The following RGS21 variants were observed in gnomAD, a reference collection of about 807,000 sequenced individuals.
RGS21 encodes the protein regulator of G-protein signalling 21.
Under a neutral mutation model 18.7 loss-of-function variants are expected in RGS21, and 19 were observed. The ratio of observed to expected loss-of-function variants is 1.01; its 90% CI spans 0.71 to 1.49. The LOEUF (loss-of-function observed/expected upper bound fraction) is 1.49, where lower values mean the gene tolerates loss of function less well. Among genes scored for constraint, RGS21 ranks in the 40% most tolerant of loss-of-function variants. The pLI is 0.00. For synonymous variants in RGS21, 56 were observed against 57.8 expected (o/e 0.97, Z 0.14); for missense variants, 194 against 176.8 (o/e 1.10, Z -0.55).
chr1:192,344,076 A>C (rs1050515462), intron 2 of RGS21, among the ~76,000 whole-genome samples: 8 of 152,048 alleles, frequency 5.3e-5, no homozygotes, highest in Non-Finnish European at 1.2e-4. Context: ...TTTTTATTTG[A>C]TAGTGTACAA....
At position 192,343,040 on chromosome 1, in the gene RGS21, C is replaced by T. The variant is rs922100646; in HGVS notation, c.4C>T (p.Pro2Ser). 5 of 1,612,336 alleles carry T rather than the reference C, an allele frequency of 3.1e-6. No homozygotes were observed. The East Asian group carries it at 1.1e-4, about 36-fold the overall frequency. The change falls in exon 2 of 5, where the codon CCA becomes TCA. Residue 2 changes from proline to serine, a missense_variant. Physicochemically the swap from Pro to Ser is moderately conservative, Grantham distance 74. Coordinates refer to ENST00000417209, the MANE Select transcript of RGS21 (RefSeq NM_001039152.3). M[P>S]VKCCFYRSPT... ...GTGACAGACAGTGGAACGAAAAATG[C>T]CAGTGAAGTGAGTTGCCGTTTCCAG...
At chr1:192,350,889 T>C (rs1659031488) in intron 3 of RGS21, among the ~76,000 whole-genome samples, 1 of 152,134 alleles carries the variant, frequency 6.6e-6, no homozygotes, top group Non-Finnish European at 1.5e-5. Flanking sequence ...TCTAAACAAG[T>C]GGTCACAATA....
intron 2 of RGS21, among the ~76,000 whole-genome samples, chr1:192,344,099 C>A (rs558127376): frequency 6.6e-6 from 1 of 152,070 alleles, no homozygotes; most frequent in East Asian, 1.9e-4. Flanking sequence ...TTTAAGAATT[C>A]ATGAATAATA....
chr1:192,320,220 A>G (rs1196586865), intron 1 of RGS21, among the ~76,000 whole-genome samples: 1 of 152,070 alleles, frequency 6.6e-6, no homozygotes, highest in Non-Finnish European at 1.5e-5. Flanking sequence ...TAATCTGTTC[A>G]ACAAACCCCC....
chr1:192,329,550 T>C (rs1047367963), intron 1 of RGS21, among the ~76,000 whole-genome samples: 1 of 152,126 alleles, frequency 6.6e-6, no homozygotes, highest in African/African-American at 2.4e-5. Flanking sequence ...TAAAAACATA[T>C]AACGACCTAT....
chr1:192,355,995 C>T (rs779787166), intron 4 of RGS21, among the ~76,000 whole-genome samples: 106 of 151,586 alleles, frequency 7.0e-4, no homozygotes, highest in Middle Eastern at 3.4e-3. Flanking sequence ...TTCACACTGT[C>T]AACAATCCAG....
At position 192,366,274 on chromosome 1, in the gene RGS21, T is replaced by A; in HGVS notation, c.*150T>A. 1 of 599,932 alleles carries A rather than the reference T, an allele frequency of 1.7e-6. No homozygotes were observed. Among genetic ancestry groups the A allele is most frequent in the Non-Finnish European group, 2.9e-6 (1 of 343,372 alleles). 37.2% of individuals were successfully genotyped at this position (599,932 alleles called of 1,614,324 possible). ...TAACGTTTTATACAACAAGCCTGAA[T>A]TTCTAACTCAGTTGTTTAGAATGTA... On this transcript the variant is annotated 3_prime_UTR_variant, in exon 5 of 5. Transcript: ENST00000417209.
chr1:192,330,478 C>T (rs1461743492), intron 1 of RGS21, among the ~76,000 whole-genome samples: 1 of 152,076 alleles, frequency 6.6e-6, no homozygotes, highest in East Asian at 1.9e-4. Flanking sequence ...AGGTTGAAGC[C>T]AGATTTTGGC....
At chr1:192,336,709 A>G (rs1264985092) in intron 1 of RGS21, among the ~76,000 whole-genome samples, 3 of 152,134 alleles carry the variant, frequency 2.0e-5, no homozygotes, top group African/African-American at 7.2e-5. Context: ...TGCAAGAAAG[A>G]GTGGATAGTT....
chr1:192,357,755 A>G (rs1200248016), intron 4 of RGS21, among the ~76,000 whole-genome samples: 1 of 152,026 alleles, frequency 6.6e-6, no homozygotes. Flanking sequence ...ATCTAGTCAC[A>G]TACAATATAT....
chr1:192,363,955 C>A (rs539725757), intron 4 of RGS21, among the ~76,000 whole-genome samples: 1 of 152,224 alleles, frequency 6.6e-6, no homozygotes, highest in East Asian at 1.9e-4. Flanking sequence ...CCAAATACAG[C>A]AGCATCTTGT....
At chr1:192,348,340 T>G (rs531033881) in intron 3 of RGS21, among the ~76,000 whole-genome samples, 151 of 152,204 alleles carry the variant, frequency 9.9e-4, no homozygotes, top group Non-Finnish European at 1.9e-3. Context: ...CACTATAATT[T>G]GATCACGACT....
At chr1:192,333,326 T>C (rs6684918) in intron 1 of RGS21, among the ~76,000 whole-genome samples, 49,844 of 151,096 alleles carry the variant, frequency 0.33, 9,421 homozygotes, top group African/African-American at 0.51. Context: ...CCATCAATTG[T>C]AATCCTACAC....
At chr1:192,317,712 T>C (rs932870909) in intron 1 of RGS21, among the ~76,000 whole-genome samples, 1 of 152,022 alleles carries the variant, frequency 6.6e-6, no homozygotes, top group African/African-American at 2.4e-5. Context: ...AAAGCACTAC[T>C]TCAACAATGT....
chr1:192,329,116 C>A (rs1658610283), intron 1 of RGS21, among the ~76,000 whole-genome samples: 1 of 151,868 alleles, frequency 6.6e-6, no homozygotes, highest in Non-Finnish European at 1.5e-5. Flanking sequence ...TACAATAAAT[C>A]ACAAATTTAA....
At chr1:192,355,956 G>A (rs1406237807) in intron 4 of RGS21, among the ~76,000 whole-genome samples, 3 of 151,430 alleles carry the variant, frequency 2.0e-5, no homozygotes, top group Non-Finnish European at 4.4e-5. Context: ...ATATCATGGT[G>A]TAACATTTAA....
intron 4 of RGS21, among the ~76,000 whole-genome samples, chr1:192,353,382 T>C (rs1328471623): frequency 6.6e-6 from 1 of 151,958 alleles, no homozygotes; most frequent in Non-Finnish European, 1.5e-5. Flanking sequence ...TATTTCAACA[T>C]TTATTTCCAA....
intron 1 of RGS21, among the ~76,000 whole-genome samples, chr1:192,339,437 A>C (rs1032622267): frequency 1.3e-5 from 2 of 152,058 alleles, no homozygotes; most frequent in African/African-American, 4.8e-5. Context: ...TGAAATTACT[A>C]TGACAGGAAA....
chr1:192,359,655 G>GTATATATA (rs10638712), intron 4 of RGS21, among the ~76,000 whole-genome samples: 8,140 of 124,090 alleles, frequency 0.066, 306 homozygotes, highest in Middle Eastern at 0.074. Context: ...GTGTGTGTGT[G>GTATATATA]TATATATATA....
Sources: gnomAD v4.1 joint callset for allele counts (sites outside exome capture counted in the v4.1 genomes callset) on GRCh38, gnomAD v4.1.1 for gene constraint, MANE v1.5 for transcripts, NCBI Gene and HGNC (gene_info 2026-07-23, HGNC 2026-07-21) for gene names.